Variants in DNM1 observed in about 807,000 individuals in gnomAD.
DNM1 encodes dynamin-1.
Under a neutral mutation model 104.6 loss-of-function variants are expected in DNM1, and 29 were observed. The observed-to-expected ratio is 0.28, with a 90% CI of 0.21 to 0.38. The LOEUF (loss-of-function observed/expected upper bound fraction) is 0.38. DNM1 is among the 10% of genes least tolerant of loss of function. The pLI, the probability that DNM1 is intolerant of heterozygous loss-of-function variation, is 1.00. For synonymous variants in DNM1, 445 were observed against 475.8 expected (o/e 0.94, Z 0.84); for missense variants, 640 against 1,189.4 (o/e 0.54, Z 6.79).
rs1474449530 is a variant in DNM1, at chr9:128,203,422, G to C, written c.-49G>C. 5.7e-6 allele frequency: 8 copies of C among 1,400,736 alleles called. No individual in the cohort carries two copies. The South Asian group carries it at 7.3e-5, about 13-fold the overall frequency. The allele number at this position is 1,400,736 out of a possible 1,614,324, so 86.8% of individuals were successfully genotyped here. On this transcript the variant is annotated 5_prime_UTR_variant, in exon 1 of 22. Coordinates refer to ENST00000372923, the MANE Select transcript of DNM1 (RefSeq NM_004408.4). The surrounding 1 kb of genome is among the most constrained non-coding windows in gnomAD (Gnocchi z 5.3). Reference sequence around the variant, plus strand: ...CAGCGGCGGAGCCGGAGTCGGAGCCGGGAGCGCTAGCGGCAGCCGGATCGC... The same window carrying C: ...CAGCGGCGGAGCCGGAGTCGGAGCCCGGAGCGCTAGCGGCAGCCGGATCGC...
intron 10 of DNM1, among the ~76,000 whole-genome samples, chr9:128,227,108 G>C (rs1835391501): frequency 7.0e-6 from 1 of 143,128 alleles, no homozygotes; most frequent in Admixed American, 7.4e-5. Context: ...TCTGCCTCCT[G>C]GGTTCAAGTA....
chr9:128,250,952 C>T lies in DNM1; in HGVS notation c.2534+12C>T, dbSNP rs1175027923. On this transcript the variant is annotated intron_variant, in intron 21 of 21. Coordinates refer to ENST00000372923, the MANE Select transcript of DNM1 (RefSeq NM_004408.4). ...CCCGGGGTCCCCAGGTGAGTAGGGG[C>T]TGAATGCGGCTGGAGAGGCTGCCGG... The T allele has an allele frequency of 1.5e-6, 2 of 1,366,062 alleles. No individual in the cohort carries two copies. Among genetic ancestry groups the T allele is most frequent in the Admixed American group, 5.4e-5 (2 of 37,258 alleles). The allele number at this position is 1,366,062 out of a possible 1,614,324, so 84.6% of individuals were successfully genotyped here. A position where few individuals can be genotyped will look rare whatever the true frequency, so the allele number is the denominator to read the frequency against.
chr9:128,219,722 G>A (rs966040782), intron 4 of DNM1, among the ~76,000 whole-genome samples: 3 of 152,226 alleles, frequency 2.0e-5, no homozygotes, highest in Non-Finnish European at 2.9e-5. Flanking sequence ...CAGCACTTTG[G>A]GAGGCCAACT....
intron 1 of DNM1, among the ~76,000 whole-genome samples, chr9:128,211,472 CTTTTTTT>C (rs56712140): frequency 5.1e-5 from 4 of 78,112 alleles, no homozygotes; most frequent in East Asian, 8.0e-4. Flanking sequence ...CTGGAAGCCT[CTTTTTTT>C]TTTTTTTTTT....
At chr9:128,231,435 A>G (rs940517536) in intron 10 of DNM1, among the ~76,000 whole-genome samples, 1 of 152,114 alleles carries the variant, frequency 6.6e-6, no homozygotes, top group Non-Finnish European at 1.5e-5. Flanking sequence ...TCCCGACCTC[A>G]GGTGATCTGC....
chr9:128,252,826 C>T (rs1829609496), intron 21 of DNM1: 2 of 670,640 alleles, frequency 3.0e-6, no homozygotes, highest in Admixed American at 2.0e-5. Context: ...TGTGACTCTG[C>T]CCACACGTGT....
In DNM1 at chr9:128,222,666, G is replaced by T; in HGVS notation, c.1128+70G>T. On this transcript the variant is annotated intron_variant, in intron 8 of 21. Coordinates refer to ENST00000372923, the MANE Select transcript of DNM1 (RefSeq NM_004408.4). The surrounding 1 kb of genome is among the most constrained non-coding windows in gnomAD (Gnocchi z 7.8). ...CACCCTCACTCAGGACTCTCTCTGC[G>T]TGTGTTTTTGCTGGCCCCCACCCCA... 4 of 1,605,866 alleles carry T rather than the reference G, an allele frequency of 2.5e-6. No homozygotes were observed. Among genetic ancestry groups the T allele is most frequent in the East Asian group, 2.2e-5 (1 of 44,750 alleles).
At chr9:128,227,777 AT>A (rs778972376) in intron 10 of DNM1, among the ~76,000 whole-genome samples, 48 of 147,176 alleles carry the variant, frequency 3.3e-4, no homozygotes, top group East Asian at 9.9e-4. Flanking sequence ...TTAAGTTTCA[AT>A]TTTTTTTTTT....
intron 19 of DNM1, among the ~76,000 whole-genome samples, chr9:128,249,812 G>A (rs1438378356): frequency 2.0e-5 from 3 of 151,856 alleles, no homozygotes; most frequent in African/African-American, 4.8e-5. Flanking sequence ...GTGAAAGAGC[G>A]AGACCCTATC....
intron 1 of DNM1, among the ~76,000 whole-genome samples, chr9:128,214,568 A>ACCCT (rs1834493747): frequency 1.3e-5 from 2 of 152,156 alleles, no homozygotes; most frequent in Non-Finnish European, 2.9e-5. Context: ...GGGTAGGGGT[A>ACCCT]GGGGTCACAT....
At chr9:128,234,341 G>C (rs537270720) in intron 11 of DNM1, among the ~76,000 whole-genome samples, 1 of 152,330 alleles carries the variant, frequency 6.6e-6, no homozygotes, top group Admixed American at 6.5e-5. Context: ...GTACATTTGC[G>C]CTGTTGCACA....
At chr9:128,213,238 C>T (rs1834412743) in intron 1 of DNM1, among the ~76,000 whole-genome samples, 1 of 152,060 alleles carries the variant, frequency 6.6e-6, no homozygotes, top group East Asian at 1.9e-4. Context: ...CACGCCACCA[C>T]ACCCTGCTAA....
chr9:128,220,731 G>A lies in DNM1; in HGVS notation c.849+390G>A, dbSNP rs1306949428. ...AATGGGGCATCCAGAACTGAAGTGCGCGCGCGCGCGCGTGTGTGTGTGTGT... is the reference window on the plus strand; with the variant it reads ...AATGGGGCATCCAGAACTGAAGTGCACGCGCGCGCGCGTGTGTGTGTGTGT... On this transcript the variant is annotated intron_variant, in intron 6 of 21. Transcript: ENST00000372923. This position sits in a 1 kb window ranked among gnomAD's most constrained non-coding sequence, Gnocchi z 5.2. 3.4e-4 allele frequency among the ~76,000 whole-genome samples: 28 copies of A among 81,940 alleles called. No homozygotes were observed. The highest frequency in any genetic ancestry group is 4.5e-4 in the Non-Finnish European group (20 of 44,634). The allele number at this position is 81,940 out of a possible 152,430, so 53.8% of individuals were successfully genotyped here. A position where few individuals can be genotyped will look rare whatever the true frequency, so the allele number is the denominator to read the frequency against.
Position 128,219,499 on chromosome 9 carries a change from T to C in DNM1, c.589+247T>C, listed in dbSNP as rs138365081. 1.6e-3 allele frequency among the ~76,000 whole-genome samples: 235 copies of C among 150,014 alleles called. 2 individuals carry two copies. The highest frequency in any genetic ancestry group is 5.5e-3 in the African/African-American group (223 of 40,478). On this transcript the variant is annotated intron_variant, in intron 4 of 21. Transcript: ENST00000372923. ...GGCTGGGCAACCTAGTGAGACCCCA[T>C]TTCTACAAAAAATTTAAAAATTAGC...
At chr9:128,217,300 A>G (rs914484701) in intron 1 of DNM1, among the ~76,000 whole-genome samples, 1 of 152,176 alleles carries the variant, frequency 6.6e-6, no homozygotes, top group Non-Finnish European at 1.5e-5. Context: ...TCTAAGGTGC[A>G]GCTCCCTCAT....
Position 128,247,176 on chromosome 9 carries a change from C to A in DNM1, c.1782-199C>A. 1 of 502,206 alleles carries A rather than the reference C, an allele frequency of 2.0e-6. No individual in the cohort carries two copies. The highest frequency in any genetic ancestry group is 3.0e-5 in the South Asian group (1 of 33,732). The allele number at this position is 502,206 out of a possible 1,614,324, so 31.1% of individuals were successfully genotyped here. ...ACTCACTTCACTGAATCCTCAGTGA[C>A]CCAAGGAGGCAGGAATTATTATTAA... On this transcript the variant is annotated intron_variant, in intron 16 of 21. Coordinates refer to ENST00000372923, the MANE Select transcript of DNM1 (RefSeq NM_004408.4). This position sits in a 1 kb window ranked among gnomAD's most constrained non-coding sequence, Gnocchi z 5.1.
rs1433029734 is a variant in DNM1, at chr9:128,245,513, A to G, written c.1672-881A>G. Reference sequence around the variant, plus strand: ...CCCCTCCCCTGGGACACAGCAGCCTACATACACATGTGCCCACACCGAGCA... The same window carrying G: ...CCCCTCCCCTGGGACACAGCAGCCTGCATACACATGTGCCCACACCGAGCA... On this transcript the variant is annotated intron_variant, in intron 15 of 21. Coordinates refer to ENST00000372923, the MANE Select transcript of DNM1 (RefSeq NM_004408.4). The surrounding 1 kb of genome is among the most constrained non-coding windows in gnomAD (Gnocchi z 5.2). 1.3e-5 allele frequency among the ~76,000 whole-genome samples: 2 copies of G among 151,994 alleles called. No individual in the cohort carries two copies. The highest frequency in any genetic ancestry group is 2.4e-5 in the African/African-American group (1 of 41,330).
intron 1 of DNM1, among the ~76,000 whole-genome samples, chr9:128,212,430 G>A (rs1281440274): frequency 3.9e-5 from 6 of 152,186 alleles, no homozygotes; most frequent in Middle Eastern, 3.4e-3. Context: ...AGCTATGATC[G>A]TACCACTGCA....
At chr9:128,211,545 TCTGGCCTCAAGCCAGGTCTCAAACTC>T (rs541954534) in intron 1 of DNM1, among the ~76,000 whole-genome samples, 227 of 146,802 alleles carry the variant, frequency 1.5e-3, no homozygotes, top group African/African-American at 5.5e-3. Flanking sequence ...GTCTCAAACT[TCTGGCCTCAAGCCAGGTCTCAAACTC>T]CTGGCCTCAA....
Sources: gnomAD v4.1 joint callset for allele counts (sites outside exome capture counted in the v4.1 genomes callset) on GRCh38, gnomAD v4.1.1 for gene constraint, Gnocchi (gnomAD v3.1) non-coding constraint, MANE v1.5 for transcripts, NCBI Gene and HGNC (gene_info 2026-07-23, HGNC 2026-07-21) for gene names.